FNBP1L: variants seen among roughly 807,000 people sequenced by gnomAD.
FNBP1L encodes the protein formin binding protein 1 like.
In FNBP1L, 36 loss-of-function variants were observed where a neutral mutation model predicts 91.2. The ratio of observed to expected loss-of-function variants is 0.39; its 90% CI spans 0.30 to 0.52. The LOEUF (loss-of-function observed/expected upper bound fraction) is 0.52, where lower values mean the gene tolerates loss of function less well. FNBP1L is among the 20% of genes least tolerant of loss of function. The pLI, the probability that FNBP1L is intolerant of heterozygous loss-of-function variation, is 0.66. For missense variants in FNBP1L, 571 were observed against 732.1 expected (o/e 0.78, Z 2.54); for synonymous variants, 242 against 237.0 (o/e 1.02, Z -0.19).
At chr1:93,483,105 T>G (rs1038698957) in intron 1 of FNBP1L, among the ~76,000 whole-genome samples, 2 of 149,024 alleles carry the variant, frequency 1.3e-5, no homozygotes, top group African/African-American at 2.5e-5. Flanking sequence ...GAGGACCACT[T>G]CAGCCCAGAA....
chr1:93,517,793 C>T (rs1671182779), intron 2 of FNBP1L, among the ~76,000 whole-genome samples: 1 of 151,550 alleles, frequency 6.6e-6, no homozygotes, highest in South Asian at 2.1e-4. Flanking sequence ...TCATTTCATA[C>T]TTCTTCAGTA....
chr1:93,532,578 A>G (rs1309001561), intron 7 of FNBP1L, among the ~76,000 whole-genome samples: 4 of 151,378 alleles, frequency 2.6e-5, no homozygotes, highest in Non-Finnish European at 5.9e-5. Context: ...GTTTTCTGGA[A>G]GCATAAACAA....
In FNBP1L at chr1:93,449,147, T is replaced by C. The variant is rs1054180769; in HGVS notation, c.24+842T>C. ...TCTCCTTTCCTTTCCTCCTTGCCTT[T>C]CTTTGGCACAGGAGGCTCCAGACAA... On this transcript the variant is annotated intron_variant, in intron 1 of 16. Transcript: ENST00000271234. Among the ~76,000 whole-genome samples the C allele has an allele frequency of 3.3e-5, 5 of 152,364 alleles. No individual in the cohort carries two copies. In the East Asian group the frequency reaches 9.6e-4, roughly 29 times the overall value.
intron 15 of FNBP1L, among the ~76,000 whole-genome samples, chr1:93,550,165 C>T (rs533165652): frequency 1.3e-5 from 2 of 152,302 alleles, no homozygotes; most frequent in Admixed American, 6.5e-5. Context: ...TCTCTAGTTA[C>T]TTCTTATTAG....
At chr1:93,494,661 CAG>C (rs955643630) in intron 1 of FNBP1L, among the ~76,000 whole-genome samples, 5 of 152,174 alleles carry the variant, frequency 3.3e-5, no homozygotes, top group African/African-American at 4.8e-5. Context: ...GTTTTAGAAT[CAG>C]GGGTGGAGAC....
At chr1:93,532,284 T>G (rs981668370) in intron 7 of FNBP1L, among the ~76,000 whole-genome samples, 7 of 151,974 alleles carry the variant, frequency 4.6e-5, no homozygotes, top group South Asian at 2.1e-4. Context: ...CTGGCCAACA[T>G]GGTGAAACCC....
intron 2 of FNBP1L, among the ~76,000 whole-genome samples, chr1:93,513,612 A>G (rs903035931): frequency 3.9e-4 from 60 of 152,012 alleles, no homozygotes; most frequent in South Asian, 1.5e-3. Flanking sequence ...AGGCTGGTTC[A>G]ATATACGCAA....
rs1338139070 is a variant in FNBP1L at position 93,549,164 on chromosome 1, CTG to C, written c.1503-110_1503-109del. The C allele has an allele frequency of 1.8e-5, 13 of 735,372 alleles. No homozygotes were observed. In the South Asian group the frequency reaches 3.3e-4, roughly 19 times the overall value. 45.6% of individuals were successfully genotyped at this position (735,372 alleles called of 1,614,324 possible). A position where few individuals can be genotyped will look rare whatever the true frequency, so the allele number is the denominator to read the frequency against. Reference sequence around the variant, plus strand: ...GAAAAAAATAGGGCTTAAGTGGAAACTGTGTCATTAATATTTAATTTTTGGAA... The same window carrying C: ...GAAAAAAATAGGGCTTAAGTGGAAACTGTCATTAATATTTAATTTTTGGAA... On this transcript the variant is annotated intron_variant, in intron 14 of 16. Transcript: ENST00000271234.
rs1354182817 is a variant in FNBP1L at position 93,536,544 on chromosome 1, G to A, written c.1149+54G>A. On this transcript the variant is annotated intron_variant, in intron 10 of 16. Coordinates refer to ENST00000271234, the MANE Select transcript of FNBP1L (RefSeq NM_001164473.3). ...GATGGCCTATTGTGTGTGTAGTGTG[G>A]CTTTTAATACTCTCCACCCTCATTA... is the stretch of plus-strand genomic sequence containing the variant. 8 of 1,449,078 alleles carry A rather than the reference G, an allele frequency of 5.5e-6. No homozygotes were observed. The South Asian group carries it at 1.0e-4, about 19-fold the overall frequency. The allele number at this position is 1,449,078 out of a possible 1,614,324, so 89.8% of individuals were successfully genotyped here. A position where few individuals can be genotyped will look rare whatever the true frequency, so the allele number is the denominator to read the frequency against.
chr1:93,542,776 CT>C (rs34922906), intron 11 of FNBP1L, among the ~76,000 whole-genome samples: 20,821 of 125,574 alleles, frequency 0.17, 2,356 homozygotes, highest in African/African-American at 0.36. Flanking sequence ...TTTTCTTTAC[CT>C]TTTTTTTTTT....
chr1:93,518,628 T>C (rs1311103997), intron 2 of FNBP1L, among the ~76,000 whole-genome samples: 2 of 152,128 alleles, frequency 1.3e-5, no homozygotes, highest in East Asian at 3.9e-4. Context: ...TAAATTTCAT[T>C]TTAGACTTGT....
At chr1:93,497,478 C>T (rs1190825883) in intron 1 of FNBP1L, among the ~76,000 whole-genome samples, 1 of 151,838 alleles carries the variant, frequency 6.6e-6, no homozygotes, top group Non-Finnish European at 1.5e-5. Context: ...CTTTTGTTTC[C>T]CTAGCTATGG....
intron 1 of FNBP1L, among the ~76,000 whole-genome samples, chr1:93,463,498 T>A (rs1668969170): frequency 6.6e-6 from 1 of 152,182 alleles, no homozygotes. Flanking sequence ...TATAAATATT[T>A]CCTTATGTAA....
rs147541028 is a variant in FNBP1L, at chr1:93,495,510, T to C, written c.25-3958T>C. On this transcript the variant is annotated intron_variant, in intron 1 of 16. Transcript: ENST00000271234. ...GCAGGAAGTCCACAGAATATTAAGT[T>C]ATATTTTTATTATGGTTAGTTTTAT... Among the ~76,000 whole-genome samples the C allele has an allele frequency of 1.9e-3, 290 of 152,334 alleles. 2 individuals carry two copies. Among genetic ancestry groups the C allele is most frequent in the African/African-American group, 6.7e-3 (279 of 41,576 alleles).
At chr1:93,515,411 C>CT in intron 2 of FNBP1L, among the ~76,000 whole-genome samples, 1 of 151,962 alleles carries the variant, frequency 6.6e-6, no homozygotes, top group East Asian at 1.9e-4. Context: ...CATCCCATTA[C>CT]TGGGTATATA....
At position 93,486,074 on chromosome 1, in the gene FNBP1L, A is replaced by G. The variant is rs1417801051; in HGVS notation, c.25-13394A>G. On this transcript the variant is annotated intron_variant, in intron 1 of 16. Transcript: ENST00000271234. ...CCAGTTTTACAGATGTGGAACAGGA[A>G]GCTCAGAGATCAAGTGCTAGTAAAT... Among the ~76,000 whole-genome samples the G allele has an allele frequency of 2.0e-5, 3 of 152,332 alleles. No individual in the cohort carries two copies. The South Asian group carries it at 6.2e-4, about 32-fold the overall frequency.
chr1:93,495,635 G>T (rs1158884211), intron 1 of FNBP1L, among the ~76,000 whole-genome samples: 1 of 152,006 alleles, frequency 6.6e-6, no homozygotes, highest in Non-Finnish European at 1.5e-5. Flanking sequence ...TTTATCTTCT[G>T]GCTGTTTCAA....
chr1:93,448,458 G>A (rs1668346231), intron 1 of FNBP1L, among the ~76,000 whole-genome samples, 153 bp downstream of exon 1: 1 of 152,178 alleles, frequency 6.6e-6, no homozygotes, highest in African/African-American at 2.4e-5. Context: ...TTTGTGTGCA[G>A]ACTCCTCTTC....
At position 93,523,504 on chromosome 1, in the gene FNBP1L, A is replaced by G; in HGVS notation, c.342+13A>G. The G allele has an allele frequency of 6.3e-7, 1 of 1,592,494 alleles. No individual in the cohort carries two copies. The highest frequency in any genetic ancestry group is 8.6e-7 in the Non-Finnish European group (1 of 1,168,654). On this transcript the variant is annotated intron_variant, in intron 4 of 16. Transcript: ENST00000271234. ...TGAAAGAAAAATGGTAATTCTTACA[A>G]TTTTCATCCAATTGCAATAGTATAT...
Sources: allele counts gnomAD v4.1 joint callset (sites outside exome capture counted in the v4.1 genomes callset), GRCh38; gene constraint gnomAD v4.1.1; transcripts MANE v1.5; gene names NCBI Gene and HGNC (gene_info 2026-07-23, HGNC 2026-07-21).